The following NAV2 variants were observed in gnomAD, a reference collection of about 807,000 sequenced individuals.
NAV2 encodes the protein neuron navigator 2.
In NAV2, 54 loss-of-function variants were observed where a neutral mutation model predicts 223.2. The observed-to-expected ratio is 0.24, with a 90% CI of 0.19 to 0.30. The LOEUF is 0.30. Among genes scored for constraint, NAV2 ranks in the 10% least tolerant of loss-of-function variants. The pLI, the probability that NAV2 is intolerant of heterozygous loss-of-function variation, is 1.00. For missense variants in NAV2, 2,806 were observed against 3,147.5 expected (o/e 0.89, Z 2.60); for synonymous variants, 1,279 against 1,239.3 (o/e 1.03, Z -0.67).
Position 19,989,510 on chromosome 11 carries a change from A to AT in NAV2, c.2768+5271dup, listed in dbSNP as rs532428457. Among the ~76,000 whole-genome samples, 47 of 152,056 alleles carry AT rather than the reference A, an allele frequency of 3.1e-4. 2 individuals carry two copies. The South Asian group carries it at 8.7e-3, about 28-fold the overall frequency. On this transcript the variant is annotated intron_variant, in intron 11 of 37. Coordinates refer to ENST00000349880, the MANE Select transcript of NAV2 (RefSeq NM_145117.5). ...GACTCACAGAACTGTGAGCTAATCA[A>AT]TTTTTTTTGTTTTTAGCTACTAAGT...
chr11:19,399,653 A>G (rs1308547238), intron 1 of NAV2, among the ~76,000 whole-genome samples: 1 of 152,210 alleles, frequency 6.6e-6, no homozygotes, highest in Non-Finnish European at 1.5e-5. Flanking sequence ...AATGTGTATT[A>G]TGTCATTGAT....
At chr11:19,931,982 G>A (rs77477482) in intron 6 of NAV2, among the ~76,000 whole-genome samples, 3,197 of 152,206 alleles carry the variant, frequency 0.021, 68 homozygotes, top group Non-Finnish European at 0.036. Context: ...TGCATCATCC[G>A]GGGCACTGAC....
chr11:19,389,542 T>C (rs1214611881), intron 1 of NAV2, among the ~76,000 whole-genome samples: 1 of 152,140 alleles, frequency 6.6e-6, no homozygotes, highest in Non-Finnish European at 1.5e-5. Context: ...CTTCTTTGAG[T>C]CTCAGGATCC....
chr11:19,547,765 T>C (rs1427981075), intron 1 of NAV2, among the ~76,000 whole-genome samples: 2 of 152,264 alleles, frequency 1.3e-5, no homozygotes, highest in African/African-American at 4.8e-5. Flanking sequence ...ATGACAATGA[T>C]AGTGGTAGAA....
At chr11:19,439,577 G>A (rs967888177) in intron 1 of NAV2, among the ~76,000 whole-genome samples, 5 of 152,204 alleles carry the variant, frequency 3.3e-5, no homozygotes, top group Non-Finnish European at 2.9e-5. Context: ...GAGAGGTTGC[G>A]AGCTGTGGAT....
At chr11:19,741,120 C>T (rs929958489) in intron 1 of NAV2, among the ~76,000 whole-genome samples, 2 of 152,184 alleles carry the variant, frequency 1.3e-5, no homozygotes, top group Non-Finnish European at 2.9e-5. Flanking sequence ...GCCTTAGCCT[C>T]CCCCTTACAG....
rs1351359197 is a variant in NAV2, at chr11:20,049,092, G to T, written c.4267G>T (p.Val1423Phe). 2 of 1,613,952 alleles carry T rather than the reference G, an allele frequency of 1.2e-6. No individual in the cohort carries two copies. Among genetic ancestry groups the T allele is most frequent in the Admixed American group, 3.3e-5 (2 of 59,994 alleles). The change falls in exon 15 of 38, where the codon GTC (valine) becomes TTC (phenylalanine). Residue 1423 changes from valine to phenylalanine, a missense_variant. Physicochemically the swap from Val to Phe is conservative, Grantham distance 50 (BLOSUM62 -1). Coordinates refer to ENST00000349880, the MANE Select transcript of NAV2 (RefSeq NM_145117.5). Reference protein sequence around the residue: ...SIDISLSSGGVPSHNSSTGLI... With the variant: ...SIDISLSSGGFPSHNSSTGLI... ...CGACATCTCCCTCAGCAGTGGAGGG[G>T]TCCCCAGCCACAATTCTTCCACTGG...
Position 19,628,939 on chromosome 11 carries a change from C to G in NAV2, c.76-203545C>G, listed in dbSNP as rs79685716. On this transcript the variant is annotated intron_variant, in intron 1 of 37. Coordinates refer to the NAV2 transcript ENST00000360655. ...TTCACCTGCCAGGTGCATTTGCCAC[C>G]CTGACCTTGCTGCAAGCACCTGAGA... 2.1e-3 allele frequency among the ~76,000 whole-genome samples: 327 copies of G among 152,240 alleles called. 1 individual carries two copies. Among genetic ancestry groups the G allele is most frequent in the African/African-American group, 7.3e-3 (305 of 41,514 alleles).
At chr11:19,782,344 A>C (rs1738825275) in intron 1 of NAV2, among the ~76,000 whole-genome samples, 2 of 152,220 alleles carry the variant, frequency 1.3e-5, no homozygotes, top group Non-Finnish European at 2.9e-5. Context: ...TTGGGAGGGA[A>C]GGAGAGAAAG....
chr11:19,407,955 G>A (rs999236561), intron 1 of NAV2, among the ~76,000 whole-genome samples: 3 of 152,078 alleles, frequency 2.0e-5, no homozygotes, highest in Admixed American at 2.0e-4. Context: ...GACCTCAGGA[G>A]CCCCCCAAGA....
chr11:19,874,173 G>C (rs1051422107), intron 4 of NAV2, among the ~76,000 whole-genome samples: 17 of 152,182 alleles, frequency 1.1e-4, no homozygotes, highest in Non-Finnish European at 4.4e-5. Context: ...TACTCTTCAT[G>C]CCTGACATTA....
At position 19,948,727 on chromosome 11, in the gene NAV2, G is replaced by A. The variant is rs61976957; in HGVS notation, c.2292G>A (p.Thr764=). The A allele has an allele frequency of 2.3e-3, 3,726 of 1,597,818 alleles. 95 individuals are homozygous for A. In the African/African-American group the frequency reaches 0.044, roughly 19 times the overall value. ...LETTFDTNVT[T]EMSGRSILSL... ...CCACGTTTGACACCAATGTCACCACGGAGATGAGTGGCCGTAGCATACTCA... is the reference window on the plus strand; with the variant it reads ...CCACGTTTGACACCAATGTCACCACAGAGATGAGTGGCCGTAGCATACTCA... Residue 764 remains threonine, a synonymous_variant, in exon 10 of 38, where the codon ACG becomes ACA. Transcript: ENST00000349880.
At chr11:20,087,997 G>A (rs771225659) in intron 26 of NAV2, among the ~76,000 whole-genome samples, 19 of 152,098 alleles carry the variant, frequency 1.2e-4, no homozygotes, top group Non-Finnish European at 2.2e-4. Flanking sequence ...CAGAAATGAT[G>A]CAGAGAATAA....
At chr11:19,964,765 C>T (rs1458747992) in intron 10 of NAV2, among the ~76,000 whole-genome samples, 6 of 145,230 alleles carry the variant, frequency 4.1e-5, no homozygotes, top group East Asian at 2.0e-4. Context: ...CCTCCCAAAA[C>T]GTTGGGATTA....
chr11:19,776,668 G>C (rs867105480), intron 1 of NAV2, among the ~76,000 whole-genome samples: 40 of 150,148 alleles, frequency 2.7e-4, no homozygotes, highest in African/African-American at 9.4e-4. Flanking sequence ...GTGTGTGTGT[G>C]TGTGTGTGGT....
chr11:19,759,203 C>T (rs1050758785), intron 1 of NAV2, among the ~76,000 whole-genome samples: 3 of 151,430 alleles, frequency 2.0e-5, no homozygotes, highest in Admixed American at 2.0e-4. Flanking sequence ...CTGTCTCAGC[C>T]TCCCCAGCAG....
At chr11:19,461,790 A>G (rs908619572) in intron 1 of NAV2, among the ~76,000 whole-genome samples, 8 of 152,220 alleles carry the variant, frequency 5.3e-5, no homozygotes, top group Non-Finnish European at 1.2e-4. Context: ...ATAAAGAAGA[A>G]TGTTTTATGA....
chr11:19,886,534 C>T (rs1057067058), intron 5 of NAV2, among the ~76,000 whole-genome samples: 7 of 152,196 alleles, frequency 4.6e-5, no homozygotes, highest in Admixed American at 2.0e-4. Context: ...GCAAACTGGT[C>T]CCTTCTCAGT....
chr11:19,627,370 C>G (rs1488943138), intron 1 of NAV2, among the ~76,000 whole-genome samples: 1 of 151,826 alleles, frequency 6.6e-6, no homozygotes, highest in Non-Finnish European at 1.5e-5. Context: ...GCCTGGACAA[C>G]AGAGCGAGAC....
Sources: gnomAD v4.1 joint callset for allele counts (sites outside exome capture counted in the v4.1 genomes callset) on GRCh38, gnomAD v4.1.1 for gene constraint, MANE v1.5 for transcripts, NCBI Gene and HGNC (gene_info 2026-07-23, HGNC 2026-07-21) for gene names.